The following LTBP3 variants were observed in gnomAD, a reference collection of about 807,000 sequenced individuals.
The protein encoded by LTBP3 is latent-transforming growth factor beta-binding protein 3.
LTBP3 carries 97 observed loss-of-function variants against 159.7 expected under a neutral mutation model. That is an observed-to-expected ratio of 0.61 (90% CI 0.52 to 0.72). The LOEUF (loss-of-function observed/expected upper bound fraction) is 0.72. Ranked by LOEUF, LTBP3 falls within the 30% of genes least tolerant of loss-of-function variation. The pLI is 0.00. For missense variants in LTBP3, 1,584 were observed against 1,864.3 expected, an observed-to-expected ratio of 0.85 and a Z score of 2.77; for synonymous variants, 824 against 777.1, an observed-to-expected ratio of 1.06 and a Z score of -1.00.
chr11:65,550,716 C>T (rs1590779771), intron 11 of LTBP3, among the ~76,000 whole-genome samples: 1 of 151,758 alleles, frequency 6.6e-6, no homozygotes, highest in Admixed American at 6.6e-5. Flanking sequence ...CCCAGCTACT[C>T]GGGAGGCTGA....
At chr11:65,555,414 T>TC (rs200572759) in intron 1 of LTBP3, among the ~76,000 whole-genome samples, 2,365 of 151,350 alleles carry the variant, frequency 0.016, 62 homozygotes, top group African/African-American at 0.052. Flanking sequence ...GGGCCCCAGG[T>TC]CCCCCCCCTC....
rs1457698142 is a variant in LTBP3 at position 65,546,933 on chromosome 11, G to A, written c.2108-13C>T. 1.2e-6 allele frequency: 2 copies of A among 1,610,222 alleles called. No individual in the cohort carries two copies. The highest frequency in any genetic ancestry group is 8.5e-7 in the Non-Finnish European group (1 of 1,179,946). ...CACTCGTCGATGTCTGCACGGGAGGGAGAAGGAAGAGGACCCATCTGGGGA... is the reference window on the plus strand; with the variant it reads ...CACTCGTCGATGTCTGCACGGGAGGAAGAAGGAAGAGGACCCATCTGGGGA... On this transcript the variant is annotated splice_polypyrimidine_tract_variant and intron_variant, in intron 14 of 27. Transcript: ENST00000301873. The surrounding 1 kb of genome is among the most constrained non-coding windows in gnomAD (Gnocchi z 4.0).
Position 65,553,863 on chromosome 11 carries a change from G to C in LTBP3, c.702C>G (p.His234Gln). ...GCACCTGGACTGAGGCCTCGGGCGG[G>C]TGATGGACGCGCACATTCACCACGG... ...PPPVVNVRVHHPPEASVQVHR... is the reference protein window; with the variant it reads ...PPPVVNVRVHQPPEASVQVHR... The change falls in exon 3 of 28, where the codon CAC (histidine) becomes CAG (glutamine). Residue 234 changes from histidine (H) to glutamine (Q), a missense_variant. By Grantham distance (24) the His-to-Gln change is conservative. Coordinates refer to ENST00000301873, the MANE Select transcript of LTBP3 (RefSeq NM_001130144.3). The surrounding 1 kb of genome is among the most constrained non-coding windows in gnomAD (Gnocchi z 6.5). The C allele has an allele frequency of 6.4e-7, 1 of 1,559,476 alleles. No individual in the cohort carries two copies. Among genetic ancestry groups the C allele is most frequent in the Non-Finnish European group, 8.6e-7 (1 of 1,159,524 alleles).
In LTBP3 at chr11:65,540,047, G is replaced by T; in HGVS notation, c.3351C>A (p.Ser1117=). 1 of 1,517,178 alleles carries T rather than the reference G, an allele frequency of 6.6e-7. No individual in the cohort carries two copies. The highest frequency in any genetic ancestry group is 8.8e-7 in the Non-Finnish European group (1 of 1,138,260). The allele number at this position is 1,517,178 out of a possible 1,614,324, so 94.0% of individuals were successfully genotyped here. ...TCTCGGGGAGCTGGCAATCGCGGCCGGAGGGCCCGGGCACCCAGGGCGGGC... is the reference window on the plus strand; with the variant it reads ...TCTCGGGGAGCTGGCAATCGCGGCCTGAGGGCCCGGGCACCCAGGGCGGGC... The part of the protein sequence containing the change: ...ECRPPWVPGP[S]GRDCQLPESP... Residue 1117 remains serine (S), a synonymous_variant, in exon 24 of 28, where the codon TCC becomes TCA. Coordinates refer to ENST00000301873, the MANE Select transcript of LTBP3 (RefSeq NM_001130144.3).
At position 65,538,573 on chromosome 11, in the gene LTBP3, G is replaced by GCA; in HGVS notation, c.*506_*507insTG. ...AGCCCGGAAGCTGGACTGAACCGTG[G>GCA]CGGTGGCCCTTCCCGGCTGCGGAGA... is the stretch of plus-strand genomic sequence containing the variant. On this transcript the variant is annotated 3_prime_UTR_variant, in exon 28 of 28. Transcript: ENST00000301873. The GCA allele has an allele frequency of 6.2e-7, 1 of 1,608,418 alleles. No individual in the cohort carries two copies. Among genetic ancestry groups the GCA allele is most frequent in the Non-Finnish European group, 8.5e-7 (1 of 1,177,534 alleles).
At position 65,554,226 on chromosome 11, in the gene LTBP3, C is replaced by G; in HGVS notation, c.486G>C (p.Gly162=). 2 of 1,609,812 alleles carry G rather than the reference C, an allele frequency of 1.2e-6. No homozygotes were observed. Among genetic ancestry groups the G allele is most frequent in the South Asian group, 2.2e-5 (2 of 91,012 alleles). ...GGSGPGLSRT[G]ALSTGALPPL... is the part of the protein sequence containing the mutation. ...GCGGCAGCGCCCCTGTGGACAGGGC[C>G]CCTGTCCTGCTCAGGCCGGGGCCTG... The change falls in exon 2 of 28, where the codon GGG becomes GGC. Residue 162 remains glycine, a synonymous_variant. Transcript: ENST00000301873. The surrounding 1 kb of genome is among the most constrained non-coding windows in gnomAD (Gnocchi z 5.3).
chr11:65,546,802 A>G lies in LTBP3; in HGVS notation c.2226T>C (p.Cys742=). 6.3e-7 allele frequency: 1 copy of G among 1,593,818 alleles called. No homozygotes were observed. The highest frequency in any genetic ancestry group is 8.5e-7 in the Non-Finnish European group (1 of 1,174,168). The change falls in exon 15 of 28, where the codon TGT becomes TGC. Residue 742 remains cysteine (C), a synonymous_variant. Transcript: ENST00000301873. This position sits in a 1 kb window ranked among gnomAD's most constrained non-coding sequence, Gnocchi z 4.0. ...GGCTCCGGGCCCCGCCCTCACCGCG[A>G]CAGGCCCCGCCCCCCTGGCTGCGGT... is the stretch of plus-strand genomic sequence containing the variant. ...PGYRSQGGGA[C]RDVNECAEGS... is the part of the protein sequence containing the mutation.
chr11:65,540,578 C>T lies in LTBP3; in HGVS notation c.3014G>A (p.Cys1005Tyr). The change falls in exon 22 of 28, where the codon TGC becomes TAC. Residue 1005 changes from cysteine (C) to tyrosine (Y), a missense_variant. Cys to Tyr is a radical substitution (Grantham distance 194, BLOSUM62 -2). Transcript: ENST00000301873. The stretch of plus-strand genomic sequence containing the variant: ...CGTGTTCACGCACTTGCCCTCCTTG[C>T]AAATCTCCGACCCGAACAACATGCA... ...DECMLFGSEI[C>Y]KEGKCVNTQP... The T allele has an allele frequency of 1.2e-6, 2 of 1,613,870 alleles. No homozygotes were observed. Among genetic ancestry groups the T allele is most frequent in the Non-Finnish European group, 1.7e-6 (2 of 1,179,916 alleles).
At position 65,538,924 on chromosome 11, in the gene LTBP3, G is replaced by A. The variant is rs989307580; in HGVS notation, c.*156C>T. 5.5e-6 allele frequency: 7 copies of A among 1,279,528 alleles called. No individual in the cohort carries two copies. In the African/African-American group the frequency reaches 9.4e-5, roughly 17 times the overall value. 79.3% of individuals were successfully genotyped at this position (1,279,528 alleles called of 1,614,324 possible). A position where few individuals can be genotyped will look rare whatever the true frequency, so the allele number is the denominator to read the frequency against. ...AACCGCCCGCTAACCGGGGAGGGGG[G>A]CCGGTAGGGGCGCCTCGGGTCTCAA... On this transcript the variant is annotated 3_prime_UTR_variant, in exon 28 of 28. Coordinates refer to ENST00000301873, the MANE Select transcript of LTBP3 (RefSeq NM_001130144.3).
Position 65,539,153 on chromosome 11 carries a change from A to T in LTBP3, c.3839T>A (p.Phe1280Tyr), listed in dbSNP as rs1375937955. The change falls in exon 28 of 28, where the codon TTC becomes TAC. Residue 1280 changes from phenylalanine to tyrosine, a missense_variant. By Grantham distance (22) the Phe-to-Tyr change is conservative (BLOSUM62 3). Coordinates refer to ENST00000301873, the MANE Select transcript of LTBP3 (RefSeq NM_001130144.3). ...GAAGCCGGCTTTGCAGACGCAGCGG[A>T]AGGAGCCGCTGGTGTTCACGCAGCG... The part of the protein sequence containing the change: ...SERCVNTSGS[F>Y]RCVCKAGFAR... The T allele has an allele frequency of 1.1e-5, 17 of 1,496,670 alleles. No homozygotes were observed. The highest frequency in any genetic ancestry group is 2.7e-6 in the Non-Finnish European group (3 of 1,118,574). 92.7% of individuals were successfully genotyped at this position (1,496,670 alleles called of 1,614,324 possible).
intron 11 of LTBP3, 41 bp downstream of exon 11, chr11:65,551,085 G>C: frequency 6.7e-7 from 1 of 1,494,264 alleles, no homozygotes. Context: ...TAAAGTGGGG[G>C]CGTGGCCTAG....
chr11:65,538,638 G>A lies in LTBP3; in HGVS notation c.*442C>T, dbSNP rs1435691328. ...TGTATTTATTGTACAAACCATGTGA[G>A]CCCGGCCGGCCCAGCCAGGCCATCT... On this transcript the variant is annotated 3_prime_UTR_variant, in exon 28 of 28. Transcript: ENST00000301873. The A allele has an allele frequency of 2.7e-6, 4 of 1,505,364 alleles. No homozygotes were observed. The highest frequency in any genetic ancestry group is 3.6e-6 in the Non-Finnish European group (4 of 1,121,584). 93.3% of individuals were successfully genotyped at this position (1,505,364 alleles called of 1,614,324 possible).
chr11:65,542,349 C>T (rs1856174826), intron 18 of LTBP3: 1 of 152,826 alleles, frequency 6.5e-6, no homozygotes, highest in South Asian at 1.9e-4. Flanking sequence ...GTACAAAGCA[C>T]AGAACCTGGA....
At chr11:65,556,573 A>G (rs901886183) in intron 1 of LTBP3, among the ~76,000 whole-genome samples, 1 of 152,186 alleles carries the variant, frequency 6.6e-6, no homozygotes, top group African/African-American at 2.4e-5. Flanking sequence ...TCTAACAGCG[A>G]CTAGAGACAC....
Position 65,540,089 on chromosome 11 carries a change from G to A in LTBP3, c.3309C>T (p.Ser1103=). 1 of 1,526,220 alleles carries A rather than the reference G, an allele frequency of 6.6e-7. No homozygotes were observed. The highest frequency in any genetic ancestry group is 8.8e-7 in the Non-Finnish European group (1 of 1,141,482). The allele number at this position is 1,526,220 out of a possible 1,614,324, so 94.5% of individuals were successfully genotyped here. The part of the protein sequence containing the change: ...RPGRCVNLPG[S]YRCECRPPWV... ...AGGGCGGGCGACACTCGCAGCGGTA[G>A]GAGCCCGGCAGGTTGACGCAGCGGC... The change falls in exon 24 of 28, where the codon TCC becomes TCT. Residue 1103 remains serine, a synonymous_variant. Coordinates refer to ENST00000301873, the MANE Select transcript of LTBP3 (RefSeq NM_001130144.3).
Position 65,558,260 on chromosome 11 carries a change from A to G in LTBP3, c.-301T>C. ...CGGAGAGGAGGAGCGAGGGAGAGGA[A>G]GGCCGGGCGGCCGGCCCGCTCCGCG... On this transcript the variant is annotated 5_prime_UTR_variant, in exon 1 of 28. Transcript: ENST00000301873. The G allele has an allele frequency of 1.0e-6, 1 of 1,004,394 alleles. No individual in the cohort carries two copies. The highest frequency in any genetic ancestry group is 1.2e-6 in the Non-Finnish European group (1 of 834,238). The allele number at this position is 1,004,394 out of a possible 1,614,324, so 62.2% of individuals were successfully genotyped here.
chr11:65,540,170 G>A lies in LTBP3; in HGVS notation c.3245-17C>T, dbSNP rs1856030318. On this transcript the variant is annotated splice_polypyrimidine_tract_variant and intron_variant, in intron 23 of 27. Coordinates refer to ENST00000301873, the MANE Select transcript of LTBP3 (RefSeq NM_001130144.3). Reference sequence around the variant, plus strand: ...CGTCCACGTCTACGAACAGCGAGGGGGTGGGTGGGGGCCGTCACAGCTCGG... The same window carrying A: ...CGTCCACGTCTACGAACAGCGAGGGAGTGGGTGGGGGCCGTCACAGCTCGG... 1.3e-6 allele frequency: 2 copies of A among 1,536,458 alleles called. No homozygotes were observed. The highest frequency in any genetic ancestry group is 1.7e-6 in the Non-Finnish European group (2 of 1,143,450).
chr11:65,540,577 G>A lies in LTBP3; in HGVS notation c.3015C>T (p.Cys1005=). 6.2e-7 allele frequency: 1 copy of A among 1,613,828 alleles called. No individual in the cohort carries two copies. Among genetic ancestry groups the A allele is most frequent in the Non-Finnish European group, 8.5e-7 (1 of 1,179,900 alleles). Residue 1005 remains cysteine, a synonymous_variant, in exon 22 of 28, where the codon TGC becomes TGT. Transcript: ENST00000301873. ...DECMLFGSEI[C]KEGKCVNTQP... The stretch of plus-strand genomic sequence containing the variant: ...GCGTGTTCACGCACTTGCCCTCCTT[G>A]CAAATCTCCGACCCGAACAACATGC...
Position 65,557,895 on chromosome 11 carries a change from C to CCCGCCG in LTBP3, c.59_64dup (p.Ala20_Ala21dup). 7.9e-7 allele frequency: 1 copy of CCCGCCG among 1,261,410 alleles called. No homozygotes were observed. Among genetic ancestry groups the CCCGCCG allele is most frequent in the Non-Finnish European group, 1.0e-6 (1 of 989,794 alleles). The allele number at this position is 1,261,410 out of a possible 1,614,324, so 78.1% of individuals were successfully genotyped here. ...CAGCAGCAGCAGCAGCGCCAGCAGC[C>CCCGCCG]CCGCCGCCCCCGCCCCGCGCATCTC... is the stretch of plus-strand genomic sequence containing the variant. On this transcript the variant is annotated inframe_insertion, in exon 1 of 28. Transcript: ENST00000301873.
Sources: gnomAD v4.1 joint callset for allele counts (sites outside exome capture counted in the v4.1 genomes callset) on GRCh38, gnomAD v4.1.1 for gene constraint, Gnocchi (gnomAD v3.1) non-coding constraint, MANE v1.5 for transcripts, NCBI Gene and HGNC (gene_info 2026-07-23, HGNC 2026-07-21) for gene names.